The following PPP1R12A variants were observed in gnomAD, a reference collection of about 807,000 sequenced individuals.
PPP1R12A encodes protein phosphatase 1 regulatory subunit 12A.
PPP1R12A carries 19 observed loss-of-function variants against 139.6 expected under a neutral mutation model. The observed-to-expected ratio is 0.14, with a 90% CI of 0.09 to 0.20. The LOEUF (loss-of-function observed/expected upper bound fraction) is 0.20. PPP1R12A is among the 10% of genes least tolerant of loss of function. The pLI is 1.00. For missense variants in PPP1R12A, 925 were observed against 1,211.5 expected, an observed-to-expected ratio of 0.76 and a Z score of 3.51; for synonymous variants, 427 against 420.6, an observed-to-expected ratio of 1.02 and a Z score of -0.19.
intron 1 of PPP1R12A, among the ~76,000 whole-genome samples, chr12:79,912,029 G>A (rs556804946): frequency 6.6e-6 from 1 of 152,178 alleles, no homozygotes; most frequent in South Asian, 2.1e-4. Flanking sequence ...CTCACCCCCT[G>A]TGCTCCAGTC....
rs755448544 is a variant in PPP1R12A at position 79,828,275 on chromosome 12, A to G, written c.792+45T>C. On this transcript the variant is annotated intron_variant, in intron 5 of 24. Coordinates refer to ENST00000450142, the MANE Select transcript of PPP1R12A (RefSeq NM_002480.3). The stretch of plus-strand genomic sequence containing the variant: ...ATTTCTAAATATACTTTCTAAAACT[A>G]TATTTCTAAAAGTTAAAGTATTAAA... 18 of 1,515,992 alleles carry G rather than the reference A, an allele frequency of 1.2e-5. No homozygotes were observed. The East Asian group carries it at 1.4e-4, about 12-fold the overall frequency. The allele number at this position is 1,515,992 out of a possible 1,614,324, so 93.9% of individuals were successfully genotyped here.
intron 2 of PPP1R12A, among the ~76,000 whole-genome samples, chr12:79,863,828 G>C (rs533412743): frequency 6.6e-6 from 1 of 152,182 alleles, no homozygotes; most frequent in African/African-American, 2.4e-5. Context: ...GGAGCACCCA[G>C]ATACATAAAG....
intron 1 of PPP1R12A, among the ~76,000 whole-genome samples, chr12:79,881,005 T>C (rs777742676): frequency 2.0e-5 from 3 of 152,154 alleles, no homozygotes; most frequent in African/African-American, 7.2e-5. Context: ...CCATGAACCA[T>C]ATTCATAGAA....
At chr12:79,873,511 A>C (rs1882783616) in intron 1 of PPP1R12A, among the ~76,000 whole-genome samples, 1 of 151,432 alleles carries the variant, frequency 6.6e-6, no homozygotes, top group African/African-American at 2.4e-5. Context: ...AAAAAAAAAA[A>C]AAAACATTGC....
Position 79,817,374 on chromosome 12 carries a change from C to A in PPP1R12A, c.1239+20G>T. 1 of 1,602,870 alleles carries A rather than the reference C, an allele frequency of 6.2e-7. No homozygotes were observed. The highest frequency in any genetic ancestry group is 8.5e-7 in the Non-Finnish European group (1 of 1,172,824). On this transcript the variant is annotated intron_variant, in intron 9 of 24. Coordinates refer to ENST00000450142, the MANE Select transcript of PPP1R12A (RefSeq NM_002480.3). The stretch of plus-strand genomic sequence containing the variant: ...ATAAATAGAATACATGTATTTTCAG[C>A]AAATACAATTTTGGCTTACCTTTTT...
intron 2 of PPP1R12A, among the ~76,000 whole-genome samples, chr12:79,857,361 T>G (rs1880790601): frequency 6.8e-6 from 1 of 146,792 alleles, no homozygotes; most frequent in African/African-American, 2.5e-5. Flanking sequence ...ATGTTCTCAC[T>G]CATAGATGGG....
intron 2 of PPP1R12A, among the ~76,000 whole-genome samples, chr12:79,852,804 G>A (rs2137245753): frequency 6.6e-6 from 1 of 152,244 alleles, no homozygotes; most frequent in Non-Finnish European, 1.5e-5. Flanking sequence ...ATACCCCTGG[G>A]TGCTGGGGGT....
chr12:79,814,037 C>G (rs1874935225), intron 9 of PPP1R12A, among the ~76,000 whole-genome samples: 1 of 152,168 alleles, frequency 6.6e-6, no homozygotes, highest in East Asian at 1.9e-4. Context: ...AATTAACAAC[C>G]TGTTTAAGGA....
At chr12:79,903,092 T>C (rs1039292599) in intron 1 of PPP1R12A, among the ~76,000 whole-genome samples, 3 of 152,102 alleles carry the variant, frequency 2.0e-5, no homozygotes, top group African/African-American at 4.8e-5. Context: ...GTGACTGAAA[T>C]AGCGACACCT....
At chr12:79,913,684 A>C (rs1886771996) in intron 1 of PPP1R12A, 1 of 152,154 alleles carries the variant, frequency 6.6e-6, no homozygotes, top group Non-Finnish European at 1.5e-5. Context: ...ATATCAATTT[A>C]CCATTTTTCA....
chr12:79,779,657 C>T, intron 23 of PPP1R12A: 2 of 284,994 alleles, frequency 7.0e-6, no homozygotes, highest in South Asian at 7.0e-5. Context: ...AATCATCACA[C>T]TTCTCAAAAT....
chr12:79,874,185 A>T lies in PPP1R12A; in HGVS notation c.238-1247T>A, dbSNP rs536061037. Among the ~76,000 whole-genome samples, 107 of 152,076 alleles carry T rather than the reference A, an allele frequency of 7.0e-4. No homozygotes were observed. In the Middle Eastern group the frequency reaches 0.01, roughly 15 times the overall value. Reference sequence around the variant, plus strand: ...GCTACTCGGGAGGCTGAGGCAGGAGAATTGCCTGAACCCAGGAGGCAGACG... The same window carrying T: ...GCTACTCGGGAGGCTGAGGCAGGAGTATTGCCTGAACCCAGGAGGCAGACG... On this transcript the variant is annotated intron_variant, in intron 1 of 24. Coordinates refer to ENST00000450142, the MANE Select transcript of PPP1R12A (RefSeq NM_002480.3).
intron 5 of PPP1R12A, among the ~76,000 whole-genome samples, chr12:79,827,263 A>G (rs1160194592): frequency 2.0e-5 from 3 of 152,250 alleles, no homozygotes; most frequent in African/African-American, 7.2e-5. Context: ...TACTTTCCTT[A>G]AGACTTTTAC....
chr12:79,854,454 T>C (rs956445213), intron 2 of PPP1R12A, among the ~76,000 whole-genome samples: 5 of 152,166 alleles, frequency 3.3e-5, no homozygotes, highest in African/African-American at 7.2e-5. Context: ...CTCCCTCTTC[T>C]TCAGCTTCCC....
intron 3 of PPP1R12A, among the ~76,000 whole-genome samples, chr12:79,841,602 C>T (rs1006520561): frequency 1.3e-5 from 2 of 152,136 alleles, no homozygotes; most frequent in Non-Finnish European, 2.9e-5. Flanking sequence ...AAACCAAATG[C>T]AAGAAATTTT....
At chr12:79,809,356 CATT>C in intron 10 of PPP1R12A, among the ~76,000 whole-genome samples, 1 of 152,116 alleles carries the variant, frequency 6.6e-6, no homozygotes, top group East Asian at 1.9e-4. Context: ...TAAATTTACT[CATT>C]AAGACAAAGT....
intron 1 of PPP1R12A, among the ~76,000 whole-genome samples, chr12:79,917,029 A>AC (rs1031905182): frequency 6.6e-6 from 1 of 152,000 alleles, no homozygotes; most frequent in African/African-American, 2.4e-5. Flanking sequence ...TATGTAAATA[A>AC]CCCCCCAAAG....
At chr12:79,887,992 T>C (rs188725511) in intron 1 of PPP1R12A, among the ~76,000 whole-genome samples, 4 of 152,300 alleles carry the variant, frequency 2.6e-5, no homozygotes, top group African/African-American at 9.6e-5. Flanking sequence ...ATACACATAG[T>C]TGTTAACTAA....
At position 79,786,480 on chromosome 12, in the gene PPP1R12A, TATAAAAATTAGG is replaced by T; in HGVS notation, c.2803-14_2803-3del. 6.6e-7 allele frequency: 1 copy of T among 1,520,956 alleles called. No individual in the cohort carries two copies. The highest frequency in any genetic ancestry group is 8.8e-7 in the Non-Finnish European group (1 of 1,130,408). 94.2% of individuals were successfully genotyped at this position (1,520,956 alleles called of 1,614,324 possible). ...TTCAGCTAGAATTTGTTCATAAAGCTATAAAAATTAGGGTAAAAGAACAAATTACTTTTCTGC... is the reference window on the plus strand; with the variant it reads ...TTCAGCTAGAATTTGTTCATAAAGCTGTAAAAGAACAAATTACTTTTCTGC... On this transcript the variant is annotated splice_polypyrimidine_tract_variant and splice_region_variant and intron_variant, in intron 21 of 24. Coordinates refer to ENST00000450142, the MANE Select transcript of PPP1R12A (RefSeq NM_002480.3).
Sources: allele counts gnomAD v4.1 joint callset (sites outside exome capture counted in the v4.1 genomes callset), GRCh38; gene constraint gnomAD v4.1.1; transcripts MANE v1.5; gene names NCBI Gene and HGNC (gene_info 2026-07-23, HGNC 2026-07-21).